KIAA0513: variants seen among roughly 807,000 people sequenced by gnomAD.
KIAA0513 encodes the protein KIAA0513, also known as uncharacterized protein KIAA0513.
Under a neutral mutation model 56.5 loss-of-function variants are expected in KIAA0513, and 39 were observed. The ratio of observed to expected loss-of-function variants is 0.69; its 90% CI spans 0.53 to 0.90. The LOEUF is 0.90. Ranked by LOEUF, KIAA0513 falls within the 40% of genes least tolerant of loss-of-function variation. The pLI is 0.00. For synonymous variants in KIAA0513, 268 were observed against 215.6 expected (o/e 1.24, Z -2.13); for missense variants, 591 against 535.2 (o/e 1.10, Z -1.03).
chr16:85,085,389 T>A (rs1301438221), intron 10 of KIAA0513, among the ~76,000 whole-genome samples: 1 of 152,196 alleles, frequency 6.6e-6, no homozygotes, highest in East Asian at 1.9e-4. Flanking sequence ...AGCCAGGAGA[T>A]CATGTTCCTT....
chr16:85,057,853 T>C (rs1010461007), intron 1 of KIAA0513, among the ~76,000 whole-genome samples: 1 of 151,524 alleles, frequency 6.6e-6, no homozygotes, highest in Non-Finnish European at 1.5e-5. Context: ...TGTGAGTAGG[T>C]CATTCTGTGT....
intron 12 of KIAA0513, among the ~76,000 whole-genome samples, chr16:85,087,539 C>T (rs1023712724): frequency 6.6e-6 from 1 of 152,208 alleles, no homozygotes; most frequent in African/African-American, 2.4e-5. Flanking sequence ...TTTTCTTTCT[C>T]AGACCACACT....
chr16:85,029,254 C>T (rs1434167151), intron 1 of KIAA0513, among the ~76,000 whole-genome samples: 1 of 152,184 alleles, frequency 6.6e-6, no homozygotes, highest in Non-Finnish European at 1.5e-5. Flanking sequence ...TGGCGTGGGA[C>T]TCACATGTAG....
At chr16:85,030,539 G>C (rs2072949862) in intron 1 of KIAA0513, among the ~76,000 whole-genome samples, 1 of 152,130 alleles carries the variant, frequency 6.6e-6, no homozygotes, top group Admixed American at 6.5e-5. Flanking sequence ...CTGAGGTCAG[G>C]AGTTCGAGAC....
intron 6 of KIAA0513, 41 bp from the exon 7 acceptor site, chr16:85,078,372 GGT>G (rs1415478524): frequency 1.9e-6 from 3 of 1,609,912 alleles, no homozygotes; most frequent in Non-Finnish European, 2.5e-6. Flanking sequence ...GAGAAAGTGT[GGT>G]GTGAGTCGCG....
At chr16:85,083,563 A>C (rs1037833718) in intron 10 of KIAA0513, among the ~76,000 whole-genome samples, 1 of 152,174 alleles carries the variant, frequency 6.6e-6, no homozygotes, top group Non-Finnish European at 1.5e-5. Context: ...CCCTAGCCCA[A>C]GGAGGGCTGG....
chr16:85,080,294 G>A (rs2073724080), intron 8 of KIAA0513, among the ~76,000 whole-genome samples: 1 of 152,222 alleles, frequency 6.6e-6, no homozygotes, highest in African/African-American at 2.4e-5. Context: ...TTCTGTGAAA[G>A]GCCAGATAAT....
chr16:85,048,725 C>T lies in KIAA0513; in HGVS notation c.-172-18175C>T, dbSNP rs534618202. On this transcript the variant is annotated intron_variant, in intron 1 of 12. Transcript: ENST00000683363. ...TGCCACTGCACCTTAGCTTGGGTGACAGAACGAGACTGTGTCTCCAAATTC... is the reference window on the plus strand; with the variant it reads ...TGCCACTGCACCTTAGCTTGGGTGATAGAACGAGACTGTGTCTCCAAATTC... Among the ~76,000 whole-genome samples, 15 of 152,282 alleles carry T rather than the reference C, an allele frequency of 9.9e-5. No individual in the cohort carries two copies. In the South Asian group the frequency reaches 3.1e-3, roughly 32 times the overall value.
chr16:85,055,749 C>T (rs150340174), intron 1 of KIAA0513, among the ~76,000 whole-genome samples: 1 of 152,322 alleles, frequency 6.6e-6, no homozygotes, highest in East Asian at 1.9e-4. Flanking sequence ...CCCTTCTTCT[C>T]ACCTCTCCCC....
chr16:85,041,179 A>G (rs1567522062), intron 1 of KIAA0513, among the ~76,000 whole-genome samples: 1 of 152,216 alleles, frequency 6.6e-6, no homozygotes, highest in Non-Finnish European at 1.5e-5. Flanking sequence ...TAGACTAGGC[A>G]GTATTTTTTT....
In KIAA0513 at chr16:85,067,173, C is replaced by T. The variant is rs765614579; in HGVS notation, c.102C>T (p.Gly34=). The T allele has an allele frequency of 5.0e-6, 8 of 1,614,048 alleles. No individual in the cohort carries two copies. The highest frequency in any genetic ancestry group is 4.0e-5 in the African/African-American group (3 of 74,928). The change falls in exon 2 of 13, where the codon GGC becomes GGT. Residue 34 remains glycine (G), a synonymous_variant. Coordinates refer to ENST00000683363, the MANE Select transcript of KIAA0513 (RefSeq NM_001388359.1). ...CACCACCCCCTGTGCTGCAGGACGGCGATGGCTCCCTGGGGGACGGTGCAT... is the reference window on the plus strand; with the variant it reads ...CACCACCCCCTGTGCTGCAGGACGGTGATGGCTCCCTGGGGGACGGTGCAT... ...LEAPPPVLQD[G]DGSLGDGASE... is the part of the protein sequence containing the mutation.
intron 2 of KIAA0513, among the ~76,000 whole-genome samples, chr16:85,068,747 G>T (rs377691644): frequency 6.6e-6 from 1 of 152,202 alleles, no homozygotes; most frequent in Non-Finnish European, 1.5e-5. Flanking sequence ...GATTACAGGC[G>T]TGGGCCACCG....
At chr16:85,035,771 G>A (rs1331974631) in intron 1 of KIAA0513, among the ~76,000 whole-genome samples, 1 of 152,172 alleles carries the variant, frequency 6.6e-6, no homozygotes, top group East Asian at 1.9e-4. Context: ...GAGGTCAGGA[G>A]ATCGAGACCA....
chr16:85,079,241 G>A (rs181943185), intron 8 of KIAA0513: 7 of 799,444 alleles, frequency 8.8e-6, no homozygotes. Context: ...CAGTCTGGCA[G>A]TTCCTTTAAA....
rs2073749428 is a variant in KIAA0513 at position 85,081,899 on chromosome 16, G to A, written c.980+507G>A. Among the ~76,000 whole-genome samples the A allele has an allele frequency of 6.6e-6, 1 of 152,326 alleles. No individual in the cohort carries two copies. The highest frequency in any genetic ancestry group is 6.5e-5 in the Admixed American group (1 of 15,304). ...CACCTCGCACGTGGCAGAGGGGAGG[G>A]GCTGGCACCCACCCCACGGGGGCCG... On this transcript the variant is annotated intron_variant, in intron 9 of 12. Coordinates refer to ENST00000683363, the MANE Select transcript of KIAA0513 (RefSeq NM_001388359.1). The surrounding 1 kb of genome is among the most constrained non-coding windows in gnomAD (Gnocchi z 4.4).
intron 1 of KIAA0513, among the ~76,000 whole-genome samples, chr16:85,033,369 G>T (rs893948166): frequency 2.6e-5 from 4 of 152,220 alleles, no homozygotes; most frequent in South Asian, 2.1e-4. Flanking sequence ...GATGCACTCT[G>T]CAGGGGCCCA....
chr16:85,054,154 T>C (rs2073294519), intron 1 of KIAA0513, among the ~76,000 whole-genome samples: 1 of 152,114 alleles, frequency 6.6e-6, no homozygotes. Context: ...TGAGACCCTG[T>C]CTCAAAAATA....
intron 10 of KIAA0513, among the ~76,000 whole-genome samples, chr16:85,083,938 G>T (rs1024917663): frequency 1.2e-4 from 19 of 152,268 alleles, no homozygotes; most frequent in South Asian, 8.3e-4. Flanking sequence ...ATTTCAGAAG[G>T]TTTCCCTCTC....
chr16:85,075,832 C>T lies in KIAA0513; in HGVS notation c.504-12C>T, dbSNP rs748801312. 1 of 1,613,984 alleles carries T rather than the reference C, an allele frequency of 6.2e-7. No individual in the cohort carries two copies. The highest frequency in any genetic ancestry group is 8.5e-7 in the Non-Finnish European group (1 of 1,179,840). On this transcript the variant is annotated splice_polypyrimidine_tract_variant and intron_variant, in intron 4 of 12. Coordinates refer to ENST00000683363, the MANE Select transcript of KIAA0513 (RefSeq NM_001388359.1). Reference sequence around the variant, plus strand: ...AGCGATCTTTAGCCATGAGCCTTGCCTCTTGTTTCAGGTGTCATCAGATGG... The same window carrying T: ...AGCGATCTTTAGCCATGAGCCTTGCTTCTTGTTTCAGGTGTCATCAGATGG...
Sources: gnomAD v4.1 joint callset for allele counts (sites outside exome capture counted in the v4.1 genomes callset) on GRCh38, gnomAD v4.1.1 for gene constraint, Gnocchi (gnomAD v3.1) non-coding constraint, MANE v1.5 for transcripts, NCBI Gene and HGNC (gene_info 2026-07-23, HGNC 2026-07-21) for gene names.